ZFHX3: variants seen among roughly 807,000 people sequenced by gnomAD.
ZFHX3 encodes zinc finger homeobox protein 3.
In ZFHX3, 42 loss-of-function variants were observed where a neutral mutation model predicts 279.1. The observed-to-expected ratio is 0.15, with a 90% confidence interval of 0.12 to 0.19. ZFHX3 has a LOEUF of 0.19. ZFHX3 is among the 10% of genes least tolerant of loss of function. The probability of loss-of-function intolerance (pLI) is 1.00; values close to 1 mark genes in which losing one functional copy is unlikely to be tolerated. For missense variants in ZFHX3, 4,981 were observed against 4,754.0 expected (o/e 1.05, Z -1.40); for synonymous variants, 2,293 against 1,957.8 (o/e 1.17, Z -4.52).
intron 2 of ZFHX3, among the ~76,000 whole-genome samples, chr16:73,511,938 C>A (rs997575961): frequency 6.6e-5 from 10 of 152,108 alleles, no homozygotes; most frequent in African/African-American, 2.2e-4. Context: ...TGCAAATACC[C>A]AACATGAGCC....
chr16:73,721,613 C>G (rs1185238277), intron 1 of ZFHX3, among the ~76,000 whole-genome samples: 1 of 152,234 alleles, frequency 6.6e-6, no homozygotes, highest in Non-Finnish European at 1.5e-5. Flanking sequence ...GCACCATCTG[C>G]TCTTCAGCAG....
At chr16:73,795,415 T>A (rs1290872126) in intron 1 of ZFHX3, among the ~76,000 whole-genome samples, 2 of 152,146 alleles carry the variant, frequency 1.3e-5, no homozygotes, top group African/African-American at 4.8e-5. Context: ...CTCAGGCAGG[T>A]TGCAAACGAG....
intron 3 of ZFHX3, among the ~76,000 whole-genome samples, chr16:73,386,203 T>TCTGTCC (rs1168118538): frequency 6.6e-6 from 1 of 151,576 alleles, no homozygotes; most frequent in Admixed American, 6.6e-5. Context: ...CGTCTCTGTC[T>TCTGTCC]CTCTCTCTCT....
chr16:73,606,957 A>C (rs2052192395), intron 2 of ZFHX3, among the ~76,000 whole-genome samples: 1 of 152,044 alleles, frequency 6.6e-6, no homozygotes, highest in Non-Finnish European at 1.5e-5. Flanking sequence ...AGCTCTGAGC[A>C]ACAGAGCAAG....
intron 4 of ZFHX3, among the ~76,000 whole-genome samples, chr16:73,291,963 T>C (rs1026413772): frequency 4.6e-5 from 7 of 152,174 alleles, no homozygotes; most frequent in African/African-American, 1.4e-4. Context: ...ATGGTCTGGA[T>C]AGAGCTCTCT....
intron 1 of ZFHX3, among the ~76,000 whole-genome samples, chr16:73,035,814 G>A (rs1367410811): frequency 1.3e-5 from 2 of 152,202 alleles, no homozygotes; most frequent in Non-Finnish European, 2.9e-5. Flanking sequence ...TGAGGCAGGA[G>A]GACTACTTGA....
At chr16:73,686,930 T>C (rs1429874244) in intron 1 of ZFHX3, among the ~76,000 whole-genome samples, 1 of 149,422 alleles carries the variant, frequency 6.7e-6, no homozygotes, top group African/African-American at 2.5e-5. Flanking sequence ...AACCCTTTTT[T>C]GTACACCTTC....
chr16:73,127,752 C>G (rs1966596852), intron 7 of ZFHX3, among the ~76,000 whole-genome samples: 1 of 152,220 alleles, frequency 6.6e-6, no homozygotes, highest in Non-Finnish European at 1.5e-5. Context: ...TGGACAATGC[C>G]TGGTCCTATC....
chr16:73,751,546 T>A (rs150595021), intron 1 of ZFHX3, among the ~76,000 whole-genome samples: 43 of 152,344 alleles, frequency 2.8e-4, no homozygotes, highest in African/African-American at 8.7e-4. Flanking sequence ...TGTGTATATA[T>A]GTTTATGTAC....
At chr16:72,882,548 C>A (rs2144033099) in intron 4 of ZFHX3, among the ~76,000 whole-genome samples, 2 of 152,334 alleles carry the variant, frequency 1.3e-5, no homozygotes, top group South Asian at 2.1e-4. Flanking sequence ...GAACAGCCAG[C>A]CAGGACACAG....
intron 1 of ZFHX3, among the ~76,000 whole-genome samples, chr16:73,754,245 T>A (rs1597096068): frequency 1.3e-5 from 2 of 152,198 alleles, no homozygotes; most frequent in East Asian, 1.9e-4. Flanking sequence ...ATCTACTATC[T>A]TACTGCTTTT....
chr16:73,427,905 T>A (rs2017840474), intron 3 of ZFHX3, among the ~76,000 whole-genome samples: 1 of 151,972 alleles, frequency 6.6e-6, no homozygotes, highest in South Asian at 2.1e-4. Context: ...ATTGTGTCAC[T>A]ACACTCCTGC....
intron 4 of ZFHX3, among the ~76,000 whole-genome samples, chr16:72,869,089 A>G (rs1487533135): frequency 6.6e-6 from 1 of 152,250 alleles, no homozygotes. Context: ...TTTCCTTCAG[A>G]TAAGGGAGAG....
intron 2 of ZFHX3, among the ~76,000 whole-genome samples, chr16:73,641,613 G>A (rs2052573677): frequency 6.6e-6 from 1 of 152,090 alleles, no homozygotes. Flanking sequence ...AGATGGGAGG[G>A]GGGACAGAGT....
intron 5 of ZFHX3, among the ~76,000 whole-genome samples, chr16:73,181,856 TG>T (rs1967803306): frequency 6.6e-6 from 1 of 152,148 alleles, no homozygotes. Flanking sequence ...AAGCAGCTGA[TG>T]TTCTACCTGC....
At chr16:73,695,175 A>G (rs2053185723) in intron 1 of ZFHX3, among the ~76,000 whole-genome samples, 1 of 152,062 alleles carries the variant, frequency 6.6e-6, no homozygotes, top group Non-Finnish European at 1.5e-5. Flanking sequence ...TTAGCCAAAT[A>G]TATCTATACT....
At chr16:73,855,673 A>G (rs927906811) in intron 1 of ZFHX3, among the ~76,000 whole-genome samples, 2 of 152,242 alleles carry the variant, frequency 1.3e-5, no homozygotes, top group Non-Finnish European at 2.9e-5. Flanking sequence ...TAACAAGCTC[A>G]GAAAGCATTT....
chr16:73,498,462 A>G (rs825847), intron 2 of ZFHX3, among the ~76,000 whole-genome samples: 36,669 of 152,144 alleles, frequency 0.24, 4,960 homozygotes, highest in East Asian at 0.63. Flanking sequence ...GCACACATCA[A>G]TGAAAAATGT....
chr16:73,349,810 T>A (rs1426514150), intron 3 of ZFHX3, among the ~76,000 whole-genome samples: 1 of 130,214 alleles, frequency 7.7e-6, no homozygotes, highest in Non-Finnish European at 1.6e-5. Context: ...CTTCCCTCCC[T>A]CCCTCCTTCC....
Sources: gnomAD v4.1 joint callset for allele counts (sites outside exome capture counted in the v4.1 genomes callset) on GRCh38, gnomAD v4.1.1 for gene constraint, MANE v1.5 for transcripts, NCBI Gene and HGNC (gene_info 2026-07-23, HGNC 2026-07-21) for gene names.